PABPC4L: variants seen among roughly 807,000 people sequenced by gnomAD.
The protein encoded by PABPC4L is polyadenylate-binding protein 4-like.
For synonymous variants in PABPC4L, 169 were observed against 164.1 expected (o/e 1.03, Z -0.23); for missense variants, 452 against 451.4 (o/e 1.00, Z -0.01).
At chr4:134,192,644 T>C (rs1238431569), downstream of PABPC4L, among the ~76,000 whole-genome samples, 2 of 152,108 alleles carry the variant, frequency 1.3e-5, no homozygotes, top group Non-Finnish European at 2.9e-5. Context: ...AAAGAATAAA[T>C]AATTTGTCAT....
chr4:134,153,260 T>A, the PABPC4L span, among the ~76,000 whole-genome samples: 3 of 152,164 alleles, frequency 2.0e-5, no homozygotes, highest in Non-Finnish European at 4.4e-5. Context: ...AATTCATCAC[T>A]CTTCTGTCTT....
chr4:134,121,645 C>T, the PABPC4L span, among the ~76,000 whole-genome samples: 1 of 151,596 alleles, frequency 6.6e-6, no homozygotes, highest in Admixed American at 6.6e-5. Flanking sequence ...TGTTTGTTTC[C>T]CACAATTCAA....
chr4:134,105,308 C>A, the PABPC4L span, among the ~76,000 whole-genome samples: 1 of 151,212 alleles, frequency 6.6e-6, no homozygotes, highest in African/African-American at 2.4e-5. Flanking sequence ...CAAAAATAGC[C>A]CAATATTTGG....
chr4:134,181,494 A>G, the PABPC4L span, among the ~76,000 whole-genome samples: 41 of 152,178 alleles, frequency 2.7e-4, no homozygotes, highest in African/African-American at 9.6e-4. Flanking sequence ...ACTCCTACTC[A>G]ACATAGTGCT....
At chr4:134,139,905 T>C in the PABPC4L span, among the ~76,000 whole-genome samples, 1 of 151,896 alleles carries the variant, frequency 6.6e-6, no homozygotes, top group Non-Finnish European at 1.5e-5. Flanking sequence ...TCAGTCATAG[T>C]AGCAGGACAA....
chr4:134,086,233 CCTT>C, the PABPC4L span, among the ~76,000 whole-genome samples: 16 of 151,632 alleles, frequency 1.1e-4, no homozygotes, highest in African/African-American at 3.4e-4. Flanking sequence ...TATTTACTCT[CCTT>C]CTTATTTGGA....
At chr4:134,007,840 T>C in the PABPC4L span, among the ~76,000 whole-genome samples, 3 of 151,770 alleles carry the variant, frequency 2.0e-5, no homozygotes, top group African/African-American at 7.2e-5. Context: ...AATACAAATA[T>C]TTTATTGTCA....
At chr4:134,014,482 C>T in the PABPC4L span, among the ~76,000 whole-genome samples, 8 of 152,164 alleles carry the variant, frequency 5.3e-5, no homozygotes, top group African/African-American at 1.4e-4. Flanking sequence ...CCAAGGAATG[C>T]CTGCAGCCCA....
At chr4:134,013,276 C>A in the PABPC4L span, among the ~76,000 whole-genome samples, 1 of 151,922 alleles carries the variant, frequency 6.6e-6, no homozygotes, top group Non-Finnish European at 1.5e-5. Flanking sequence ...ATTTCTGCAC[C>A]CCGACCTCTT....
chr4:134,160,962 T>C, the PABPC4L span, among the ~76,000 whole-genome samples: 2 of 152,038 alleles, frequency 1.3e-5, no homozygotes, highest in Non-Finnish European at 2.9e-5. Flanking sequence ...TGACCGATTC[T>C]GGAGTGACAG....
chr4:133,965,481 G>A, the PABPC4L span, among the ~76,000 whole-genome samples: 1 of 151,892 alleles, frequency 6.6e-6, no homozygotes, highest in East Asian at 1.9e-4. Context: ...AAATTCATAT[G>A]GAACCAAAAA....
chr4:134,171,057 G>T, the PABPC4L span, among the ~76,000 whole-genome samples: 31,834 of 151,910 alleles, frequency 0.21, 4,139 homozygotes, highest in Non-Finnish European at 0.27. Flanking sequence ...TCTCATTGTG[G>T]TTTGGAATTC....
At chr4:134,173,177 A>AAG in the PABPC4L span, among the ~76,000 whole-genome samples, 2 of 150,778 alleles carry the variant, frequency 1.3e-5, no homozygotes, top group Admixed American at 6.6e-5. Flanking sequence ...AAAAAAAAAA[A>AAG]AAAGAAACTG....
the PABPC4L span, among the ~76,000 whole-genome samples, chr4:134,158,235 T>A: frequency 1.4e-3 from 220 of 152,142 alleles, 1 homozygote; most frequent in South Asian, 4.3e-3. Context: ...CTTTCTTAAT[T>A]TTGTAAACCA....
At chr4:134,054,684 C>T in the PABPC4L span, among the ~76,000 whole-genome samples, 1 of 151,806 alleles carries the variant, frequency 6.6e-6, no homozygotes, top group Non-Finnish European at 1.5e-5. Flanking sequence ...AAGTATAATG[C>T]CTTTGATATC....
chr4:134,139,905 T>A, the PABPC4L span, among the ~76,000 whole-genome samples: 2 of 151,896 alleles, frequency 1.3e-5, no homozygotes, highest in Non-Finnish European at 2.9e-5. Flanking sequence ...TCAGTCATAG[T>A]AGCAGGACAA....
At chr4:133,971,403 G>A in the PABPC4L span, among the ~76,000 whole-genome samples, 10 of 151,982 alleles carry the variant, frequency 6.6e-5, no homozygotes, top group South Asian at 1.0e-3. Context: ...GAGCCACCGC[G>A]CCCGGCCTTA....
the PABPC4L span, among the ~76,000 whole-genome samples, chr4:133,952,079 G>C: frequency 2.0e-5 from 3 of 152,104 alleles, no homozygotes; most frequent in African/African-American, 7.2e-5. Context: ...CAAGCTTATG[G>C]TAGCTGCTGA....
chr4:134,055,089 T>C, the PABPC4L span, among the ~76,000 whole-genome samples: 1 of 152,018 alleles, frequency 6.6e-6, no homozygotes, highest in Non-Finnish European at 1.5e-5. Flanking sequence ...TGGTTACTAA[T>C]GACTTGAAAC....
Sources: gnomAD v4.1 joint callset for allele counts (sites outside exome capture counted in the v4.1 genomes callset) on GRCh38, gnomAD v4.1.1 for gene constraint, MANE v1.5 for transcripts, NCBI Gene and HGNC (gene_info 2026-07-23, HGNC 2026-07-21) for gene names.